The following KDM5B variants were observed in gnomAD, a reference collection of about 807,000 sequenced individuals.
The protein encoded by KDM5B is lysine-specific demethylase 5B.
KDM5B carries 144 observed loss-of-function variants against 193.4 expected under a neutral mutation model. The ratio of observed to expected loss-of-function variants is 0.74; its 90% CI spans 0.65 to 0.86. The LOEUF is 0.86. Among genes scored for constraint, KDM5B ranks in the 40% least tolerant of loss-of-function variants. The pLI, the probability that KDM5B is intolerant of heterozygous loss-of-function variation, is 0.00. For missense variants in KDM5B, 1,833 were observed against 1,886.9 expected (o/e 0.97, Z 0.53); for synonymous variants, 668 against 682.6 (o/e 0.98, Z 0.33).
chr1:202,774,612 C>A lies in KDM5B; in HGVS notation c.405+1G>T. On this transcript the variant is annotated splice_donor_variant, in intron 3 of 26. Coordinates refer to ENST00000367265, the MANE Select transcript of KDM5B (RefSeq NM_006618.5). LOFTEE classifies it high-confidence loss of function. Reference sequence around the variant, plus strand: ...AAGTAAGATGGTCATTAGCTCTTTACCTTATTAAGCTGAAATAAGTCCAAG... The same window carrying A: ...AAGTAAGATGGTCATTAGCTCTTTAACTTATTAAGCTGAAATAAGTCCAAG... 1 of 1,608,176 alleles carries A rather than the reference C, an allele frequency of 6.2e-7. No individual in the cohort carries two copies. Among genetic ancestry groups the A allele is most frequent in the Non-Finnish European group, 8.5e-7 (1 of 1,175,754 alleles).
chr1:202,774,545 G>A, intron 3 of KDM5B, 68 bp downstream of exon 3: 1 of 1,473,556 alleles, frequency 6.8e-7, no homozygotes, highest in Non-Finnish European at 9.4e-7. Flanking sequence ...CCTTTTTAAG[G>A]CAAAGAAGAT....
intron 1 of KDM5B, among the ~76,000 whole-genome samples, chr1:202,805,499 G>A (rs534615891): frequency 1.3e-5 from 2 of 152,250 alleles, no homozygotes; most frequent in Admixed American, 1.3e-4. Context: ...AGACAGAAAT[G>A]TTTTATACTT....
rs1289759501 is a variant in KDM5B at position 202,726,994 on chromosome 1, T to A, written c.*2042A>T. The A allele has an allele frequency of 6.6e-6, 1 of 152,234 alleles. No individual in the cohort carries two copies. 9.4% of individuals were successfully genotyped at this position (152,234 alleles called of 1,614,324 possible). ...GGAGTGGTTCAAATACACACATGCC[T>A]ACCTTTTCTAACTCACTCAGAGATA... is the stretch of plus-strand genomic sequence containing the variant. On this transcript the variant is annotated 3_prime_UTR_variant, in exon 27 of 27. Coordinates refer to ENST00000367265, the MANE Select transcript of KDM5B (RefSeq NM_006618.5).
intron 5 of KDM5B, among the ~76,000 whole-genome samples, chr1:202,765,941 A>C (rs1656437391): frequency 6.6e-6 from 1 of 152,228 alleles, no homozygotes; most frequent in Admixed American, 6.5e-5. Flanking sequence ...AGATCACTAG[A>C]AAAATACTCT....
At chr1:202,770,823 T>C (rs531181981) in intron 4 of KDM5B, among the ~76,000 whole-genome samples, 10 of 152,340 alleles carry the variant, frequency 6.6e-5, no homozygotes, top group African/African-American at 2.2e-4. Flanking sequence ...CCTATGTTTT[T>C]AAACTTTCTA....
chr1:202,740,812 C>T lies in KDM5B; in HGVS notation c.2946G>A (p.Arg982=), dbSNP rs570409430. 6.2e-7 allele frequency: 1 copy of T among 1,605,902 alleles called. No individual in the cohort carries two copies. Among genetic ancestry groups the T allele is most frequent in the East Asian group, 2.2e-5 (1 of 44,680 alleles). The change falls in exon 20 of 27, where the codon AGG becomes AGA. Residue 982 remains arginine, a splice_region_variant and synonymous_variant. Transcript: ENST00000367265. ...DDKAKSLLKA[R]PRHSLNSLAT... The stretch of plus-strand genomic sequence containing the variant: ...CAAGGCTATTCAATGAATGTCGTGG[C>T]CTACAAAATGCAAACAAAGACTTCT...
chr1:202,751,979 A>G (rs943581443), intron 12 of KDM5B, among the ~76,000 whole-genome samples: 1 of 152,244 alleles, frequency 6.6e-6, no homozygotes, highest in Non-Finnish European at 1.5e-5. Context: ...GCTATGGTCC[A>G]TGCATAATTT....
intron 3 of KDM5B, 140 bp from the exon 4 acceptor site, chr1:202,773,428 C>T (rs375468473): frequency 2.8e-5 from 18 of 635,012 alleles, no homozygotes; most frequent in East Asian, 1.9e-4. Flanking sequence ...TATACACACA[C>T]ACACATATAT....
chr1:202,760,963 A>G (rs1278985777), intron 7 of KDM5B, among the ~76,000 whole-genome samples: 1 of 151,948 alleles, frequency 6.6e-6, no homozygotes, highest in African/African-American at 2.4e-5. Flanking sequence ...GGTAGGTCAA[A>G]GTTGGAGTGA....
intron 13 of KDM5B, 148 bp from the exon 14 acceptor site, chr1:202,749,287 G>T: frequency 1.5e-6 from 1 of 682,510 alleles, no homozygotes; most frequent in Non-Finnish European, 2.4e-6. Flanking sequence ...CTCTGGGCCA[G>T]GTAGATGGCT....
At chr1:202,762,197 C>A (rs2102275062) in intron 7 of KDM5B, among the ~76,000 whole-genome samples, 1 of 152,246 alleles carries the variant, frequency 6.6e-6, no homozygotes, top group Non-Finnish European at 1.5e-5. Flanking sequence ...TCCTTTGTTC[C>A]TTTTCCTTTT....
intron 9 of KDM5B, 86 bp downstream of exon 9, chr1:202,758,305 A>T (rs1409911850): frequency 9.1e-7 from 1 of 1,094,760 alleles, no homozygotes; most frequent in Non-Finnish European, 1.3e-6. Flanking sequence ...TACTAGAGTG[A>T]GGCCTCAACT....
At chr1:202,766,633 T>C in intron 5 of KDM5B, 1 of 470,382 alleles carries the variant, frequency 2.1e-6, no homozygotes, top group Non-Finnish European at 3.8e-6. Flanking sequence ...TTTGTGAGGG[T>C]AATGGGCAAT....
intron 24 of KDM5B, among the ~76,000 whole-genome samples, chr1:202,731,437 T>TAG (rs1181288660): frequency 6.6e-6 from 1 of 152,152 alleles, no homozygotes; most frequent in Admixed American, 6.5e-5. Context: ...TCTAACCACA[T>TAG]TACTAGACAT....
Position 202,760,585 on chromosome 1 carries a change from A to G in KDM5B, c.919-12T>C, listed in dbSNP as rs1656207773. 6.3e-7 allele frequency: 1 copy of G among 1,598,902 alleles called. No homozygotes were observed. The highest frequency in any genetic ancestry group is 8.5e-7 in the Non-Finnish European group (1 of 1,172,668). Reference sequence around the variant, plus strand: ...ACATACAGGTCCACCTGTAGCAATAAAAGTGGGTACAGAACAAAGGAACAT... The same window carrying G: ...ACATACAGGTCCACCTGTAGCAATAGAAGTGGGTACAGAACAAAGGAACAT... On this transcript the variant is annotated splice_polypyrimidine_tract_variant and intron_variant, in intron 7 of 26. Transcript: ENST00000367265.
At chr1:202,767,973 A>G (rs757423471) in intron 4 of KDM5B, among the ~76,000 whole-genome samples, 1 of 152,248 alleles carries the variant, frequency 6.6e-6, no homozygotes, top group Non-Finnish European at 1.5e-5. Flanking sequence ...ACAACTGTAT[A>G]GTTTCAGATA....
chr1:202,753,675 G>GTTTTTTTTT (rs35243011), intron 11 of KDM5B, among the ~76,000 whole-genome samples: 1 of 87,362 alleles, frequency 1.1e-5, no homozygotes, highest in Non-Finnish European at 2.3e-5. Flanking sequence ...TTTTTTTTTT[G>GTTTTTTTTT]TTTTTTTTTT....
In KDM5B at chr1:202,762,692, C is replaced by A. The variant is rs754798135; in HGVS notation, c.918+7G>T. The A allele has an allele frequency of 1.4e-6, 2 of 1,445,972 alleles. No individual in the cohort carries two copies. Among genetic ancestry groups the A allele is most frequent in the Admixed American group, 3.3e-5 (2 of 59,706 alleles). The allele number at this position is 1,445,972 out of a possible 1,614,324, so 89.6% of individuals were successfully genotyped here. ...AAAGAAAAAGGAGAAAGGGAGATGTCACTCACAGCATTGGTGGCTTTTTTA... is the reference window on the plus strand; with the variant it reads ...AAAGAAAAAGGAGAAAGGGAGATGTAACTCACAGCATTGGTGGCTTTTTTA... On this transcript the variant is annotated splice_region_variant and intron_variant, in intron 7 of 26. Transcript: ENST00000367265.
At chr1:202,769,497 C>T (rs1656621057) in intron 4 of KDM5B, among the ~76,000 whole-genome samples, 1 of 150,704 alleles carries the variant, frequency 6.6e-6, no homozygotes, top group African/African-American at 2.4e-5. Context: ...TACTGAAACC[C>T]CGTCCTTACT....
Sources: allele counts gnomAD v4.1 joint callset (sites outside exome capture counted in the v4.1 genomes callset), GRCh38; gene constraint gnomAD v4.1.1; transcripts MANE v1.5; gene names NCBI Gene and HGNC (gene_info 2026-07-23, HGNC 2026-07-21).